Variants in UNC13A observed in about 807,000 individuals in gnomAD.
UNC13A encodes unc-13 homolog A.
In UNC13A, 61 loss-of-function variants were observed where a neutral mutation model predicts 219.7. The ratio of observed to expected loss-of-function variants is 0.28; its 90% CI spans 0.23 to 0.34. UNC13A has a LOEUF of 0.34. UNC13A is among the 10% of genes least tolerant of loss of function. The pLI is 1.00. For missense variants in UNC13A, 1,476 were observed against 2,270.3 expected (o/e 0.65, Z 7.11); for synonymous variants, 920 against 884.6 (o/e 1.04, Z -0.71).
chr19:17,610,326 C>T (rs1159410370), intron 42 of UNC13A, among the ~76,000 whole-genome samples: 5 of 151,868 alleles, frequency 3.3e-5, no homozygotes, highest in Non-Finnish European at 7.4e-5. Flanking sequence ...ATCAGCTGGG[C>T]GTGGTGGCAC....
chr19:17,615,861 C>T (rs1242035082), intron 41 of UNC13A, among the ~76,000 whole-genome samples: 1 of 152,080 alleles, frequency 6.6e-6, no homozygotes, highest in Non-Finnish European at 1.5e-5. Flanking sequence ...GTAGTCCCAG[C>T]TCCTCGGGAG....
chr19:17,687,485 C>T (rs1002937270), intron 1 of UNC13A, among the ~76,000 whole-genome samples: 1 of 152,070 alleles, frequency 6.6e-6, no homozygotes, highest in African/African-American at 2.4e-5. Flanking sequence ...TCTGGACATT[C>T]CTCCAACCCC....
chr19:17,667,484 A>G (rs1478415615), intron 6 of UNC13A, among the ~76,000 whole-genome samples: 1 of 151,804 alleles, frequency 6.6e-6, no homozygotes, highest in Non-Finnish European at 1.5e-5. Context: ...TATCAATATT[A>G]TTATTTTGAG....
chr19:17,686,231 G>GC (rs60524013), intron 1 of UNC13A, among the ~76,000 whole-genome samples: 34,104 of 138,338 alleles, frequency 0.25, 5,185 homozygotes, highest in African/African-American at 0.42. Context: ...GCCTCCTGCT[G>GC]CCCCCCCTTA....
chr19:17,621,457 A>G (rs1372845161), intron 37 of UNC13A, among the ~76,000 whole-genome samples: 1 of 152,160 alleles, frequency 6.6e-6, no homozygotes, highest in African/African-American at 2.4e-5. Context: ...CCATTAGCAC[A>G]GCAACAAAAA....
At chr19:17,684,703 G>T (rs1357532426) in intron 1 of UNC13A, among the ~76,000 whole-genome samples, 2 of 152,250 alleles carry the variant, frequency 1.3e-5, no homozygotes, top group South Asian at 2.1e-4. Flanking sequence ...ACTTGCTTGG[G>T]TATTTGCAGC....
At chr19:17,628,983 G>A (rs571705725) in intron 31 of UNC13A, among the ~76,000 whole-genome samples, 103 of 151,480 alleles carry the variant, frequency 6.8e-4, no homozygotes, top group African/African-American at 2.4e-3. Flanking sequence ...ACACACACAC[G>A]CAGAGTATAC....
intron 11 of UNC13A, among the ~76,000 whole-genome samples, chr19:17,653,770 GGCATGA>G (rs2079396411): frequency 1.3e-5 from 2 of 151,560 alleles, no homozygotes; most frequent in South Asian, 4.2e-4. Context: ...TGGGATTACA[GGCATGA>G]GCTCCTGAAA....
chr19:17,670,009 C>T (rs1490539915), intron 4 of UNC13A, among the ~76,000 whole-genome samples: 7 of 138,220 alleles, frequency 5.1e-5, no homozygotes, highest in Non-Finnish European at 7.6e-5. Flanking sequence ...TGCAGTGGCG[C>T]GATCTCGGCT....
rs3833288 is a variant in UNC13A, at chr19:17,601,842, G to GT, written c.*4211dup. Reference sequence around the variant, plus strand: ...TAAAAGGCAAAGAGAAAAGCAACACGTGTCAGCAAAGACAACTTTGGTCCT... The same window carrying GT: ...TAAAAGGCAAAGAGAAAAGCAACACGTTGTCAGCAAAGACAACTTTGGTCCT... On this transcript the variant is annotated 3_prime_UTR_variant, in exon 44 of 44. Coordinates refer to ENST00000519716, the MANE Select transcript of UNC13A (RefSeq NM_001080421.3). The GT allele has an allele frequency of 5.2e-5, 8 of 152,770 alleles. No homozygotes were observed. The East Asian group carries it at 1.5e-3, about 29-fold the overall frequency. The allele number at this position is 152,770 out of a possible 1,614,324, so 9.5% of individuals were successfully genotyped here.
intron 7 of UNC13A, among the ~76,000 whole-genome samples, chr19:17,665,393 C>A (rs1161498900): frequency 1.3e-5 from 2 of 152,086 alleles, no homozygotes; most frequent in East Asian, 3.8e-4. Context: ...CATGAAAAGA[C>A]CTGGTCTGGA....
chr19:17,614,756 G>A (rs898437644), intron 41 of UNC13A, among the ~76,000 whole-genome samples: 11 of 152,088 alleles, frequency 7.2e-5, no homozygotes, highest in Non-Finnish European at 1.5e-4. Flanking sequence ...CACGCCCCAG[G>A]CCGTCTTCCT....
chr19:17,628,053 G>A, intron 31 of UNC13A, 113 bp from the exon 32 acceptor site: 1 of 897,362 alleles, frequency 1.1e-6, no homozygotes, highest in South Asian at 1.4e-5. Flanking sequence ...GGAGGAAGCT[G>A]GGGTCCCATG....
Position 17,611,905 on chromosome 19 carries a change from C to T in UNC13A, c.4559-50G>A, listed in dbSNP as rs1326061057. ...CAGCGTGAGCTCTGTTCTTTCCCAC[C>T]CACCAGGAGGGACCTTGACGGCCTC... On this transcript the variant is annotated intron_variant, in intron 41 of 43. Coordinates refer to ENST00000519716, the MANE Select transcript of UNC13A (RefSeq NM_001080421.3). The T allele has an allele frequency of 4.5e-6, 7 of 1,547,170 alleles. No homozygotes were observed. In the East Asian group the frequency reaches 1.6e-4, roughly 35 times the overall value.
intron 8 of UNC13A, among the ~76,000 whole-genome samples, chr19:17,661,825 G>A (rs749942286): frequency 4.6e-5 from 7 of 152,170 alleles, no homozygotes; most frequent in Admixed American, 2.6e-4. Flanking sequence ...GAGCTGGGGC[G>A]CACAGCAGGA....
At position 17,676,061 on chromosome 19, in the gene UNC13A, T is replaced by C. The variant is rs1247356192; in HGVS notation, c.23-20A>G. ...TTTTGACTGTGGAGAGAGACAGAGATAGGGAAGGGAGGTGGGGAGAGATGT... is the reference window on the plus strand; with the variant it reads ...TTTTGACTGTGGAGAGAGACAGAGACAGGGAAGGGAGGTGGGGAGAGATGT... On this transcript the variant is annotated intron_variant, in intron 1 of 43. Transcript: ENST00000519716. 1 of 1,549,824 alleles carries C rather than the reference T, an allele frequency of 6.5e-7. No homozygotes were observed. Among genetic ancestry groups the C allele is most frequent in the Non-Finnish European group, 8.7e-7 (1 of 1,146,388 alleles).
At chr19:17,608,300 T>C (rs188608940) in intron 43 of UNC13A, among the ~76,000 whole-genome samples, 1,851 of 139,384 alleles carry the variant, frequency 0.013, 39 homozygotes, top group African/African-American at 0.047. Flanking sequence ...TAATATATAC[T>C]ATATATAATT....
At chr19:17,648,804 C>A in intron 15 of UNC13A, 108 bp downstream of exon 15, 2 of 1,467,048 alleles carry the variant, frequency 1.4e-6, no homozygotes, top group South Asian at 1.2e-5. Context: ...CAGTCTGTGT[C>A]ACACACACAC....
At chr19:17,616,312 G>C in intron 41 of UNC13A, 1 of 638,074 alleles carries the variant, frequency 1.6e-6, no homozygotes. Context: ...GCAGGCCCTT[G>C]AGGCAGAAGG....
Sources: gnomAD v4.1 joint callset for allele counts (sites outside exome capture counted in the v4.1 genomes callset) on GRCh38, gnomAD v4.1.1 for gene constraint, MANE v1.5 for transcripts, NCBI Gene and HGNC (gene_info 2026-07-23, HGNC 2026-07-21) for gene names.